The following SLC24A2 variants were observed in gnomAD, a reference collection of about 807,000 sequenced individuals.
The protein encoded by SLC24A2 is solute carrier family 24 member 2, also known as sodium/potassium/calcium exchanger 2.
A neutral mutation model predicts 62.0 loss-of-function variants in SLC24A2; 36 were observed. That is an observed-to-expected ratio of 0.58 (90% CI 0.44 to 0.77). SLC24A2 has a LOEUF of 0.77. Ranked by LOEUF, SLC24A2 falls within the 30% of genes least tolerant of loss-of-function variation. SLC24A2 has a pLI of 0.00. For missense variants in SLC24A2, 846 were observed against 817.9 expected, an observed-to-expected ratio of 1.03 and a Z score of -0.42; for synonymous variants, 358 against 294.0, an observed-to-expected ratio of 1.22 and a Z score of -2.23.
chr9:19,542,677 G>C (rs1264677003), intron 8 of SLC24A2, among the ~76,000 whole-genome samples: 4 of 152,190 alleles, frequency 2.6e-5, no homozygotes, highest in African/African-American at 7.2e-5. Context: ...GGACTTTTCT[G>C]CATCTGTTGA....
the SLC24A2 span, among the ~76,000 whole-genome samples, chr9:20,260,845 CTTTCT>C: frequency 9.0e-6 from 1 of 110,538 alleles, no homozygotes; most frequent in Middle Eastern, 4.4e-3. Flanking sequence ...ACGTATCATT[CTTTCT>C]TTTTTTTTTT....
At chr9:19,596,286 G>A (rs953732127) in intron 5 of SLC24A2, among the ~76,000 whole-genome samples, 1 of 152,200 alleles carries the variant, frequency 6.6e-6, no homozygotes, top group African/African-American at 2.4e-5. Context: ...CTCTCATGCT[G>A]AAGAATAAGA....
At chr9:19,768,688 A>T (rs1822591464) in intron 2 of SLC24A2, among the ~76,000 whole-genome samples, 1 of 152,186 alleles carries the variant, frequency 6.6e-6, no homozygotes, top group Admixed American at 6.5e-5. Context: ...CACTCAACTT[A>T]AACTCATGAA....
the SLC24A2 span, among the ~76,000 whole-genome samples, chr9:19,915,021 A>G: frequency 4.2e-4 from 64 of 152,266 alleles, no homozygotes; most frequent in African/African-American, 1.4e-3. Context: ...GTATATTCAC[A>G]ATGTCGTACA....
At chr9:19,646,357 C>T (rs1056744766) in intron 2 of SLC24A2, among the ~76,000 whole-genome samples, 4 of 152,188 alleles carry the variant, frequency 2.6e-5, no homozygotes, top group Non-Finnish European at 5.9e-5. Flanking sequence ...ATTGCCCTTG[C>T]CACAAATTAT....
chr9:20,047,138 G>A, the SLC24A2 span, among the ~76,000 whole-genome samples: 2 of 152,110 alleles, frequency 1.3e-5, no homozygotes, highest in African/African-American at 4.8e-5. Flanking sequence ...GTTACAACAG[G>A]TTAGTTACAA....
At chr9:20,180,720 C>G in the SLC24A2 span, among the ~76,000 whole-genome samples, 1 of 152,144 alleles carries the variant, frequency 6.6e-6, no homozygotes, top group Non-Finnish European at 1.5e-5. Context: ...TGTGCTTTTC[C>G]TACATCAAGG....
At chr9:19,894,945 C>G in the SLC24A2 span, among the ~76,000 whole-genome samples, 2 of 152,178 alleles carry the variant, frequency 1.3e-5, no homozygotes, top group African/African-American at 4.8e-5. Context: ...CATGATTTCT[C>G]TTTGTGACAT....
At chr9:19,987,558 T>C in the SLC24A2 span, among the ~76,000 whole-genome samples, 4 of 152,204 alleles carry the variant, frequency 2.6e-5, no homozygotes, top group Non-Finnish European at 2.9e-5. Flanking sequence ...AATGCCCCAC[T>C]TACCAGGTTC....
chr9:19,607,722 A>C (rs1389570091), intron 4 of SLC24A2, among the ~76,000 whole-genome samples: 1 of 150,980 alleles, frequency 6.6e-6, no homozygotes, highest in Non-Finnish European at 1.5e-5. Context: ...CTGTCTCAAA[A>C]AAAAAAAAAA....
the SLC24A2 span, among the ~76,000 whole-genome samples, chr9:20,030,334 G>A: frequency 2.1e-3 from 317 of 152,304 alleles, 4 homozygotes; most frequent in African/African-American, 7.3e-3. Flanking sequence ...TAGATAAATC[G>A]CTACCTAAAG....
the SLC24A2 span, among the ~76,000 whole-genome samples, chr9:20,257,511 GGA>G: frequency 6.7e-6 from 1 of 149,968 alleles, no homozygotes; most frequent in Non-Finnish European, 1.5e-5. Flanking sequence ...ACTGGTGTTA[GGA>G]TTAAGCTCCT....
chr9:20,142,802 G>C, the SLC24A2 span, among the ~76,000 whole-genome samples: 2 of 152,038 alleles, frequency 1.3e-5, no homozygotes, highest in Non-Finnish European at 2.9e-5. Context: ...CACCGTGTTG[G>C]TCAGGCTGGT....
intron 2 of SLC24A2, among the ~76,000 whole-genome samples, chr9:19,651,391 G>A (rs1445027907): frequency 5.3e-5 from 8 of 152,150 alleles, no homozygotes; most frequent in South Asian, 2.1e-4. Context: ...TAGACAACTC[G>A]CCCTAGGTCA....
At chr9:20,182,415 G>C in the SLC24A2 span, among the ~76,000 whole-genome samples, 1 of 152,300 alleles carries the variant, frequency 6.6e-6, no homozygotes, top group East Asian at 1.9e-4. Flanking sequence ...ACTGGATAAA[G>C]AAAATGTGGC....
chr9:19,752,610 A>G (rs1348404221), intron 2 of SLC24A2, among the ~76,000 whole-genome samples: 1 of 152,114 alleles, frequency 6.6e-6, no homozygotes, highest in Non-Finnish European at 1.5e-5. Flanking sequence ...TTCCTCCTAT[A>G]TAAATAGACT....
At chr9:20,262,928 GT>G in the SLC24A2 span, among the ~76,000 whole-genome samples, 1 of 152,082 alleles carries the variant, frequency 6.6e-6, no homozygotes, top group Non-Finnish European at 1.5e-5. Flanking sequence ...GAACCATGGT[GT>G]TTTATTCTTC....
chr9:20,257,502 CTGGTGTTAGGAT>C, the SLC24A2 span, among the ~76,000 whole-genome samples: 1 of 141,004 alleles, frequency 7.1e-6, no homozygotes, highest in East Asian at 2.1e-4. Context: ...GGTGTTAGGA[CTGGTGTTAGGAT>C]TAAGCTCCTG....
At chr9:19,782,484 G>C (rs1260473694) in intron 2 of SLC24A2, among the ~76,000 whole-genome samples, 1 of 152,110 alleles carries the variant, frequency 6.6e-6, no homozygotes, top group African/African-American at 2.4e-5. Flanking sequence ...AGTTTCCTTG[G>C]AGTTAATGTT....
Sources: gnomAD v4.1 joint callset for allele counts (sites outside exome capture counted in the v4.1 genomes callset) on GRCh38, gnomAD v4.1.1 for gene constraint, MANE v1.5 for transcripts, NCBI Gene and HGNC (gene_info 2026-07-23, HGNC 2026-07-21) for gene names.